Variants in CCDC88B observed in about 807,000 individuals in gnomAD.
CCDC88B encodes the protein coiled-coil domain-containing protein 88B.
CCDC88B carries 138 observed loss-of-function variants against 183.7 expected under a neutral mutation model. The observed-to-expected ratio is 0.75, with a 90% CI of 0.65 to 0.87. CCDC88B has a LOEUF of 0.87. Ranked by LOEUF, CCDC88B falls within the 40% of genes least tolerant of loss-of-function variation. CCDC88B has a pLI of 0.00. For missense variants in CCDC88B, 1,822 were observed against 1,965.6 expected (o/e 0.93, Z 1.38); for synonymous variants, 835 against 867.5 (o/e 0.96, Z 0.66).
intron 14 of CCDC88B, among the ~76,000 whole-genome samples, chr11:64,348,054 A>G (rs1366111125): frequency 8.8e-5 from 13 of 147,786 alleles, no homozygotes; most frequent in Non-Finnish European, 1.7e-4. Flanking sequence ...CGTCTCAAAA[A>G]AAAAAAAAAA....
At position 64,355,380 on chromosome 11, in the gene CCDC88B, C is replaced by A; in HGVS notation, c.4286C>A (p.Ala1429Glu). The A allele has an allele frequency of 6.3e-7, 1 of 1,589,136 alleles. No individual in the cohort carries two copies. Among genetic ancestry groups the A allele is most frequent in the Non-Finnish European group, 8.6e-7 (1 of 1,168,218 alleles). The part of the protein sequence containing the change: ...FRQRHPGPLG[A>E]PVSHSKGPGV... ...CAGCGCCATCCAGGCCCCCTGGGGG[C>A]GCCCGTCTCCCACAGCAAAGGTGAG... The change falls in exon 25 of 27, where the codon GCG becomes GAG. Residue 1429 changes from alanine to glutamate, a missense_variant. Coordinates refer to ENST00000356786, the MANE Select transcript of CCDC88B (RefSeq NM_032251.6).
Position 64,357,285 on chromosome 11 carries a change from A to AG in CCDC88B, c.*197dup, listed in dbSNP as rs746761953. The AG allele has an allele frequency of 2.6e-6, 2 of 755,168 alleles. No individual in the cohort carries two copies. The highest frequency in any genetic ancestry group is 1.5e-5 in the South Asian group (1 of 68,942). 46.8% of individuals were successfully genotyped at this position (755,168 alleles called of 1,614,324 possible). ...ATGGAGCTGGGACGAGTGTGTGGAC[A>AG]GGGGGGATGGCTGGCCCCCACGAGC... On this transcript the variant is annotated 3_prime_UTR_variant, in exon 27 of 27. Transcript: ENST00000356786.
At chr11:64,355,679 C>A in intron 26 of CCDC88B, 51 bp downstream of exon 26, 1 of 1,470,868 alleles carries the variant, frequency 6.8e-7, no homozygotes, top group Non-Finnish European at 9.2e-7. Context: ...GCCTGGGGCC[C>A]CTGGCAGAAC....
chr11:64,343,402 G>C, intron 11 of CCDC88B, 77 bp downstream of exon 11: 2 of 1,540,026 alleles, frequency 1.3e-6, no homozygotes, highest in Non-Finnish European at 8.8e-7. Context: ...GGTCCCTAGT[G>C]ATTCTTGCAA....
chr11:64,349,468 G>C lies in CCDC88B; in HGVS notation c.2744+10G>C, dbSNP rs2036242165. ...AAAGCCAGCACCAGAGGTGGGGACA[G>C]GGCTGAGGGGAAGAATGAGGGAGGC... On this transcript the variant is annotated intron_variant, in intron 15 of 26. Coordinates refer to ENST00000356786, the MANE Select transcript of CCDC88B (RefSeq NM_032251.6). 1.9e-6 allele frequency: 3 copies of C among 1,609,216 alleles called. No individual in the cohort carries two copies. The African/African-American group carries it at 4.0e-5, about 22-fold the overall frequency.
At chr11:64,352,914 A>G in intron 20 of CCDC88B, 27 bp downstream of exon 20, 1 of 1,544,922 alleles carries the variant, frequency 6.5e-7, no homozygotes, top group South Asian at 1.2e-5. Flanking sequence ...AGCCTCTAGC[A>G]GCTCTCAGTG....
Position 64,342,111 on chromosome 11 carries a change from G to A in CCDC88B, c.793G>A (p.Ala265Thr). 6.2e-7 allele frequency: 1 copy of A among 1,610,400 alleles called. No individual in the cohort carries two copies. The highest frequency in any genetic ancestry group is 8.5e-7 in the Non-Finnish European group (1 of 1,179,054). Residue 265 changes from alanine to threonine, a missense_variant, in exon 8 of 27, where the codon GCT becomes ACT. By Grantham distance (58) the Ala-to-Thr change is moderately conservative (BLOSUM62 0). Transcript: ENST00000356786. ...HLALQLANAKAQLRRLRQELE... is the reference protein window; with the variant it reads ...HLALQLANAKTQLRRLRQELE... Reference sequence around the variant, plus strand: ...GGCCCTGCAGCTGGCCAACGCCAAGGCTCAGCTGCGGCGTCTGCGGCAGGA... The same window carrying A: ...GGCCCTGCAGCTGGCCAACGCCAAGACTCAGCTGCGGCGTCTGCGGCAGGA...
At position 64,343,366 on chromosome 11, in the gene CCDC88B, C is replaced by G. The variant is rs200238832; in HGVS notation, c.1209+41C>G. ...TGATCCCACTTGGGTTGCCCCGTCA[C>G]CCCATGACCCCATTGATTCCCTAGT... On this transcript the variant is annotated intron_variant, in intron 11 of 26. Coordinates refer to ENST00000356786, the MANE Select transcript of CCDC88B (RefSeq NM_032251.6). The G allele has an allele frequency of 1.9e-6, 3 of 1,544,190 alleles. No individual in the cohort carries two copies. The African/African-American group carries it at 4.1e-5, about 21-fold the overall frequency.
At chr11:64,349,220 C>A in intron 14 of CCDC88B, 111 bp from the exon 15 acceptor site, 1 of 1,272,400 alleles carries the variant, frequency 7.9e-7, no homozygotes, top group Non-Finnish European at 1.1e-6. Flanking sequence ...CTTAATGATA[C>A]GTGCCCAGGA....
chr11:64,340,624 G>A lies in CCDC88B; in HGVS notation c.78G>A (p.Gly26=), dbSNP rs755534919. 47 of 1,609,674 alleles carry A rather than the reference G, an allele frequency of 2.9e-5. No individual in the cohort carries two copies. The highest frequency in any genetic ancestry group is 3.7e-5 in the Non-Finnish European group (44 of 1,179,588). The change falls in exon 2 of 27, where the codon GGG becomes GGA. Residue 26 remains glycine (G), a synonymous_variant. Transcript: ENST00000356786. ...SLATWALGLA[G]LVGEAEDSEG... ...CCTCACAGGCGCTGGGACTGGCCGG[G>A]CTGGTCGGGGAGGCGGAGGACTCGG...
chr11:64,344,369 C>G lies in CCDC88B; in HGVS notation c.1828C>G (p.Pro610Ala). 1 of 1,586,262 alleles carries G rather than the reference C, an allele frequency of 6.3e-7. No homozygotes were observed. The highest frequency in any genetic ancestry group is 1.1e-5 in the South Asian group (1 of 87,736). Residue 610 changes from proline to alanine, a missense_variant, in exon 14 of 27, where the codon CCA becomes GCA. Pro to Ala is a conservative substitution (Grantham distance 27). Transcript: ENST00000356786. The surrounding 1 kb of genome is among the most constrained non-coding windows in gnomAD (Gnocchi z 4.5). ...TGCCTCTGTGGCCCCACCTCAGGGT[C>G]CAGGGACCAAAATTCAGGCCCCGCA... is the stretch of plus-strand genomic sequence containing the variant. ...SPASVAPPQG[P>A]GTKIQAPQLL...
Position 64,344,780 on chromosome 11 carries a change from G to A in CCDC88B, c.2239G>A (p.Glu747Lys). The change falls in exon 14 of 27, where the codon GAG (glutamate) becomes AAG (lysine). Residue 747 changes from glutamate (E) to lysine (K), a missense_variant. Transcript: ENST00000356786. This position sits in a 1 kb window ranked among gnomAD's most constrained non-coding sequence, Gnocchi z 4.5. The part of the protein sequence containing the change: ...LRRKAEALGD[E>K]LEAQARKLEA... ...GAGAAAGGCTGAGGCCCTTGGAGAT[G>A]AGCTGGAAGCCCAGGCCCGCAAGCT... 3.7e-6 allele frequency: 6 copies of A among 1,613,898 alleles called. No individual in the cohort carries two copies. The highest frequency in any genetic ancestry group is 5.1e-6 in the Non-Finnish European group (6 of 1,179,990).
chr11:64,353,083 G>T lies in CCDC88B; in HGVS notation c.3530G>T (p.Arg1177Leu), dbSNP rs762253664. The change falls in exon 21 of 27, where the codon CGG becomes CTG. Residue 1177 changes from arginine to leucine, a missense_variant. By Grantham distance (102) the Arg-to-Leu change is moderately radical. Coordinates refer to ENST00000356786, the MANE Select transcript of CCDC88B (RefSeq NM_032251.6). ...RAQMLLAELS[R>L]ERGELQGERG... The stretch of plus-strand genomic sequence containing the variant: ...CAGATGCTGCTGGCAGAGTTGTCTC[G>T]GGAGCGGGGTGAGCTGCAGGGTGAA... 1.9e-6 allele frequency: 3 copies of T among 1,606,208 alleles called. No homozygotes were observed. The highest frequency in any genetic ancestry group is 1.7e-6 in the Non-Finnish European group (2 of 1,177,128).
At position 64,354,025 on chromosome 11, in the gene CCDC88B, C is replaced by A. The variant is rs1291925346; in HGVS notation, c.3954C>A (p.Asp1318Glu). 3.0e-5 allele frequency: 44 copies of A among 1,484,596 alleles called. No homozygotes were observed. The highest frequency in any genetic ancestry group is 4.0e-5 in the Non-Finnish European group (44 of 1,113,370). The allele number at this position is 1,484,596 out of a possible 1,614,324, so 92.0% of individuals were successfully genotyped here. The change falls in exon 24 of 27, where the codon GAC (aspartate) becomes GAA (glutamate). Residue 1318 changes from aspartate (D) to glutamate (E), a missense_variant. Asp to Glu is a conservative substitution (Grantham distance 45). Transcript: ENST00000356786. ...PRTKKGSWLA[D>E]KVKRLMRPRR... ...CCAGGAAGGGCAGCTGGCTGGCAGACAAGGTGAAGAGGCTGATGCGGCCCC... is the reference window on the plus strand; with the variant it reads ...CCAGGAAGGGCAGCTGGCTGGCAGAAAAGGTGAAGAGGCTGATGCGGCCCC...
intron 2 of CCDC88B, 55 bp downstream of exon 2, chr11:64,340,807 C>A: frequency 3.2e-6 from 5 of 1,554,348 alleles, no homozygotes; most frequent in Non-Finnish European, 3.5e-6. Context: ...GGAGGGGAAG[C>A]GGGTGGGCGG....
intron 2 of CCDC88B, 63 bp downstream of exon 2, chr11:64,340,815 C>T (rs955386975): frequency 2.0e-5 from 31 of 1,551,964 alleles, no homozygotes; most frequent in Non-Finnish European, 2.6e-5. Context: ...AGCGGGTGGG[C>T]GGAGCCTGAT....
At chr11:64,343,956 G>T in intron 13 of CCDC88B, 41 bp from the exon 14 acceptor site, 1 of 1,568,558 alleles carries the variant, frequency 6.4e-7, no homozygotes. Flanking sequence ...CCTTCCCCTA[G>T]TCCCTCCCTG....
In CCDC88B at chr11:64,351,609, G is replaced by A. The variant is rs766177673; in HGVS notation, c.3092G>A (p.Arg1031His). ...QSQRAQEHSS[R>H]LQAEKSVLEI... The stretch of plus-strand genomic sequence containing the variant: ...CAGCGGGCGCAGGAGCACAGCAGCC[G>A]CCTGCAGGTGGGTGGTGGCCCGGGT... Residue 1031 changes from arginine to histidine, a missense_variant, in exon 18 of 27, where the codon CGC becomes CAC. Coordinates refer to ENST00000356786, the MANE Select transcript of CCDC88B (RefSeq NM_032251.6). 1.3e-4 allele frequency: 201 copies of A among 1,562,506 alleles called. 5 individuals carry two copies. The South Asian group carries it at 2.1e-3, about 17-fold the overall frequency.
chr11:64,344,377 C>G lies in CCDC88B; in HGVS notation c.1836C>G (p.Thr612=), dbSNP rs768202997. 1 of 1,583,464 alleles carries G rather than the reference C, an allele frequency of 6.3e-7. No homozygotes were observed. Among genetic ancestry groups the G allele is most frequent in the Non-Finnish European group, 8.6e-7 (1 of 1,166,254 alleles). ...TGGCCCCACCTCAGGGTCCAGGGAC[C>G]AAAATTCAGGCCCCGCAGTTGCTGG... ...ASVAPPQGPG[T]KIQAPQLLGG... Residue 612 remains threonine, a synonymous_variant, in exon 14 of 27, where the codon ACC becomes ACG. Transcript: ENST00000356786. This position sits in a 1 kb window ranked among gnomAD's most constrained non-coding sequence, Gnocchi z 4.5.
Sources: gnomAD v4.1 joint callset for allele counts (sites outside exome capture counted in the v4.1 genomes callset) on GRCh38, gnomAD v4.1.1 for gene constraint, Gnocchi (gnomAD v3.1) non-coding constraint, MANE v1.5 for transcripts, NCBI Gene and HGNC (gene_info 2026-07-23, HGNC 2026-07-21) for gene names.